ACER3: variants seen among roughly 807,000 people sequenced by gnomAD.
The protein encoded by ACER3 is alkCDase 3.
A neutral mutation model predicts 48.9 loss-of-function variants in ACER3; 16 were observed. That is an observed-to-expected ratio of 0.33 (90% confidence interval 0.22 to 0.50). ACER3 has a LOEUF of 0.50. Among genes scored for constraint, ACER3 ranks in the 20% least tolerant of loss-of-function variants. The pLI is 0.98. For missense variants in ACER3, 227 were observed against 326.0 expected, an observed-to-expected ratio of 0.70 and a Z score of 2.34; for synonymous variants, 109 against 107.8, an observed-to-expected ratio of 1.01 and a Z score of -0.07.
rs34901215 is a variant in ACER3, at chr11:76,864,919, A to AT, written c.103+3861dup. On this transcript the variant is annotated intron_variant, in intron 1 of 10. Coordinates refer to ENST00000532485, the MANE Select transcript of ACER3 (RefSeq NM_018367.7). ...CAGTTGTCTTTTTTCTTTTAAATTA[A>AT]TTTTTTTTTTTTTTTTTTTTTAGCC... Among the ~76,000 whole-genome samples the AT allele has an allele frequency of 3.1e-3, 364 of 115,912 alleles. 2 individuals carry two copies. Among genetic ancestry groups the AT allele is most frequent in the South Asian group, 0.016 (54 of 3,472 alleles). 76.0% of individuals were successfully genotyped at this position (115,912 alleles called of 152,430 possible). A position where few individuals can be genotyped will look rare whatever the true frequency, so the allele number is the denominator to read the frequency against.
chr11:76,942,121 A>T lies in ACER3; in HGVS notation c.214+15454A>T. Among the ~76,000 whole-genome samples, 2 of 152,094 alleles carry T rather than the reference A, an allele frequency of 1.3e-5. 1 individual carries two copies. Reference sequence around the variant, plus strand: ...GATTATATAGTCAGCAAACAGGGCTACTTTGACTTCTTCTTTTCCAATTTG... The same window carrying T: ...GATTATATAGTCAGCAAACAGGGCTTCTTTGACTTCTTCTTTTCCAATTTG... On this transcript the variant is annotated intron_variant, in intron 2 of 10. Coordinates refer to ENST00000532485, the MANE Select transcript of ACER3 (RefSeq NM_018367.7).
chr11:76,951,700 C>A (rs1947674193), intron 2 of ACER3, among the ~76,000 whole-genome samples: 1 of 152,186 alleles, frequency 6.6e-6, no homozygotes, highest in East Asian at 1.9e-4. Context: ...TCAGCAAATA[C>A]CTAATAAGTA....
chr11:77,001,891 TCAC>T (rs1949038479), intron 7 of ACER3, among the ~76,000 whole-genome samples: 1 of 152,160 alleles, frequency 6.6e-6, no homozygotes, highest in Non-Finnish European at 1.5e-5. Flanking sequence ...ACTTATTTTC[TCAC>T]AGTTCTGGAG....
intron 3 of ACER3, among the ~76,000 whole-genome samples, chr11:76,967,529 G>A (rs911224289): frequency 1.3e-5 from 2 of 152,124 alleles, no homozygotes; most frequent in African/African-American, 4.8e-5. Flanking sequence ...GAACATTGAG[G>A]CAAAAATCCT....
At chr11:76,958,503 TAA>T (rs1472246386) in intron 2 of ACER3, among the ~76,000 whole-genome samples, 2 of 152,190 alleles carry the variant, frequency 1.3e-5, no homozygotes, top group Admixed American at 1.3e-4. Context: ...TCATTTTTAT[TAA>T]GTCTACTTTA....
At chr11:76,956,990 C>T (rs186589921) in intron 2 of ACER3, among the ~76,000 whole-genome samples, 193 of 152,052 alleles carry the variant, frequency 1.3e-3, no homozygotes, top group Middle Eastern at 3.4e-3. Context: ...TTAATGACGC[C>T]CCTACTCACT....
chr11:76,926,463 A>G (rs1360578592), intron 1 of ACER3, 94 bp from the exon 2 acceptor site: 5 of 640,874 alleles, frequency 7.8e-6, no homozygotes, highest in Non-Finnish European at 1.3e-5. Context: ...CTGAGAAGTT[A>G]CTTGTGTAAT....
At chr11:76,986,573 T>C (rs764967042) in intron 5 of ACER3, among the ~76,000 whole-genome samples, 26 of 152,240 alleles carry the variant, frequency 1.7e-4, no homozygotes, top group Admixed American at 6.5e-5. Flanking sequence ...TCACTTACTA[T>C]ATGCCAGATA....
At position 77,010,431 on chromosome 11, in the gene ACER3, C is replaced by CA. The variant is rs34446950; in HGVS notation, c.498-4571dup. On this transcript the variant is annotated intron_variant, in intron 7 of 10. Coordinates refer to ENST00000532485, the MANE Select transcript of ACER3 (RefSeq NM_018367.7). ...TAAAGAAGCCACTCTGAGTATAGGA[C>CA]AAAAAAAAAAAAAAGACATGGCAGA... Among the ~76,000 whole-genome samples, 244 of 98,982 alleles carry CA rather than the reference C, an allele frequency of 2.5e-3. 2 individuals are homozygous for CA. Among genetic ancestry groups the CA allele is most frequent in the South Asian group, 5.8e-3 (17 of 2,950 alleles). 64.9% of individuals were successfully genotyped at this position (98,982 alleles called of 152,430 possible).
chr11:76,976,226 G>C, intron 3 of ACER3, 63 bp from the exon 4 acceptor site: 1 of 1,235,914 alleles, frequency 8.1e-7, no homozygotes, highest in South Asian at 1.3e-5. Flanking sequence ...GTTTTATTTT[G>C]ATTTGCATAA....
intron 2 of ACER3, among the ~76,000 whole-genome samples, chr11:76,949,183 T>C (rs1947566955): frequency 6.6e-6 from 1 of 152,226 alleles, no homozygotes. Context: ...AATTCTATTA[T>C]ACACTTGAGA....
rs1006467747 is a variant in ACER3, at chr11:76,964,743, G to A, written c.267+5712G>A. On this transcript the variant is annotated intron_variant, in intron 3 of 10. Transcript: ENST00000532485. ...TCCAGCAAACTCCAACAGACCTGCAGCTGAGGGTCCTGACTGTTAGAAGGA... is the reference window on the plus strand; with the variant it reads ...TCCAGCAAACTCCAACAGACCTGCAACTGAGGGTCCTGACTGTTAGAAGGA... Among the ~76,000 whole-genome samples the A allele has an allele frequency of 4.6e-5, 7 of 151,464 alleles. No individual in the cohort carries two copies. In the East Asian group the frequency reaches 1.4e-3, roughly 29 times the overall value.
chr11:76,971,241 T>C (rs1439340900), intron 3 of ACER3, among the ~76,000 whole-genome samples: 1 of 152,016 alleles, frequency 6.6e-6, no homozygotes, highest in African/African-American at 2.4e-5. Context: ...ATGATTTGAG[T>C]CTATAAAACA....
intron 1 of ACER3, among the ~76,000 whole-genome samples, chr11:76,872,238 G>A (rs1360634682): frequency 3.9e-5 from 6 of 152,018 alleles, no homozygotes; most frequent in Non-Finnish European, 7.4e-5. Flanking sequence ...CACCACCCCC[G>A]CTAATTTTTA....
intron 7 of ACER3, among the ~76,000 whole-genome samples, chr11:77,009,815 AAAAG>A (rs1289078533): frequency 2.7e-5 from 4 of 150,692 alleles, no homozygotes; most frequent in African/African-American, 9.8e-5. Flanking sequence ...TGTCTCAATA[AAAAG>A]AAAGAGAGAG....
chr11:76,905,699 TA>T (rs1946211842), intron 1 of ACER3, among the ~76,000 whole-genome samples: 1 of 152,194 alleles, frequency 6.6e-6, no homozygotes, highest in African/African-American at 2.4e-5. Flanking sequence ...TGGGAATGGA[TA>T]AACAAAATGT....
At chr11:76,932,736 C>T (rs1360364582) in intron 2 of ACER3, among the ~76,000 whole-genome samples, 1 of 152,148 alleles carries the variant, frequency 6.6e-6, no homozygotes, top group East Asian at 1.9e-4. Context: ...GTATTATGAC[C>T]TTCAATTTAT....
chr11:76,888,745 T>C (rs1945736576), intron 1 of ACER3, among the ~76,000 whole-genome samples: 1 of 152,114 alleles, frequency 6.6e-6, no homozygotes, highest in Non-Finnish European at 1.5e-5. Flanking sequence ...GCAAGATGGG[T>C]GCTACAGTCT....
Position 76,861,074 on chromosome 11 carries a change from A to C in ACER3, c.98A>C (p.Glu33Ala). The C allele has an allele frequency of 6.5e-7, 1 of 1,543,110 alleles. No individual in the cohort carries two copies. The highest frequency in any genetic ancestry group is 1.4e-5 in the African/African-American group (1 of 72,664). Residue 33 changes from glutamate to alanine, a missense_variant, in exon 1 of 11, where the codon GAG becomes GCG. Glu to Ala is a moderately radical substitution (Grantham distance 107, BLOSUM62 -1). Around this residue, in one of 3 missense-constraint regions of ACER3, gnomAD observed 195 missense variants for 290.8 expected, o/e 0.67. Transcript: ENST00000532485. ...TACTCCGTGACCTGGTACATCGCCG[A>C]GTTCTGTGAGTGTGGCCTGAGGAGG... ...ENYSVTWYIA[E>A]FWNTVSNLIM... is the part of the protein sequence containing the mutation.
Sources: gnomAD v4.1 joint callset for allele counts (sites outside exome capture counted in the v4.1 genomes callset) on GRCh38, gnomAD v4.1.1 for gene constraint, gnomAD v4.1.1 regional missense constraint, MANE v1.5 for transcripts, NCBI Gene and HGNC (gene_info 2026-07-23, HGNC 2026-07-21) for gene names.